The following PLLP variants were observed in gnomAD, a reference collection of about 807,000 sequenced individuals.
PLLP encodes plasmolipin.
Under a neutral mutation model 19.7 loss-of-function variants are expected in PLLP, and 15 were observed. The observed-to-expected ratio is 0.76, with a 90% CI of 0.51 to 1.17. The LOEUF is 1.17. Among genes scored for constraint, PLLP ranks in the 50% most tolerant of loss-of-function variants. The pLI, the probability that PLLP is intolerant of heterozygous loss-of-function variation, is 0.00. For missense variants in PLLP, 255 were observed against 258.3 expected, an observed-to-expected ratio of 0.99 and a Z score of 0.09; for synonymous variants, 111 against 116.3, an observed-to-expected ratio of 0.95 and a Z score of 0.29.
In PLLP at chr16:57,273,652, A is replaced by G. The variant is rs79504437; in HGVS notation, c.135+10754T>C. The stretch of plus-strand genomic sequence containing the variant: ...ATGGAGACCTGGGCAAACAACAGCC[A>G]TGGGGATCTGTCAGATAATCTCTGA... On this transcript the variant is annotated intron_variant, in intron 1 of 3. Transcript: ENST00000219207. Among the ~76,000 whole-genome samples the G allele has an allele frequency of 3.6e-4, 55 of 152,334 alleles. No individual in the cohort carries two copies. The East Asian group carries it at 7.1e-3, about 20-fold the overall frequency.
intron 1 of PLLP, among the ~76,000 whole-genome samples, chr16:57,281,455 C>T (rs61135090): frequency 0.42 from 63,963 of 151,374 alleles, 14,632 homozygotes; most frequent in South Asian, 0.66. Flanking sequence ...AGTGGAACTA[C>T]CTGTTGCCAG....
intron 1 of PLLP, among the ~76,000 whole-genome samples, chr16:57,274,855 G>A (rs1045608310): frequency 3.3e-5 from 5 of 151,772 alleles, no homozygotes; most frequent in African/African-American, 9.7e-5. Context: ...TCCGCCTCCC[G>A]GGTTCACACC....
intron 1 of PLLP, among the ~76,000 whole-genome samples, chr16:57,282,120 G>A (rs1567533868): frequency 6.6e-6 from 1 of 151,652 alleles, no homozygotes; most frequent in Non-Finnish European, 1.5e-5. Flanking sequence ...CTGCCCTAGA[G>A]GAAGCTACCA....
intron 1 of PLLP, among the ~76,000 whole-genome samples, chr16:57,264,379 T>C (rs1018693375): frequency 1.2e-4 from 19 of 152,208 alleles, no homozygotes; most frequent in African/African-American, 4.1e-4. Context: ...GTACCTTCCC[T>C]GCTCTCCGAG....
intron 3 of PLLP, among the ~76,000 whole-genome samples, 163 bp from the exon 4 acceptor site, chr16:57,257,192 T>A (rs1287508785): frequency 6.6e-6 from 1 of 152,108 alleles, no homozygotes; most frequent in Non-Finnish European, 1.5e-5. Context: ...AGCACCAGGG[T>A]CCTGGGATAC....
At chr16:57,260,097 T>C (rs1231926032) in intron 2 of PLLP, among the ~76,000 whole-genome samples, 1 of 152,106 alleles carries the variant, frequency 6.6e-6, no homozygotes, top group Non-Finnish European at 1.5e-5. Flanking sequence ...GATGCTGGCT[T>C]CTCCAGGGTC....
chr16:57,257,066 G>T, intron 3 of PLLP, 37 bp from the exon 4 acceptor site: 2 of 1,448,476 alleles, frequency 1.4e-6, no homozygotes, highest in South Asian at 1.1e-5. Flanking sequence ...GGACCGAGAG[G>T]GTGACAGTGA....
Position 57,257,021 on chromosome 16 carries a change from C to A in PLLP, c.441G>T (p.Ala147=). The change falls in exon 4 of 4, where the codon GCG becomes GCT. Residue 147 remains alanine, a synonymous_variant. Transcript: ENST00000219207. ...CTCCATAGGCGATCATCACCAAACA[C>A]GCAAAGAACTGAAAGAGAGGTGAGA... ...YNQRAAASFF[A]CLVMIAYGVS... The A allele has an allele frequency of 6.2e-7, 1 of 1,611,860 alleles. No homozygotes were observed. The highest frequency in any genetic ancestry group is 1.1e-5 in the South Asian group (1 of 91,036).
In PLLP at chr16:57,261,951, G is replaced by A. The variant is rs777488666; in HGVS notation, c.255C>T (p.Asn85=). 1.9e-6 allele frequency: 3 copies of A among 1,614,006 alleles called. No homozygotes were observed. Among genetic ancestry groups the A allele is most frequent in the African/African-American group, 1.3e-5 (1 of 74,912 alleles). Residue 85 remains asparagine (N), a synonymous_variant, in exon 2 of 4, where the codon AAC becomes AAT. Coordinates refer to ENST00000219207, the MANE Select transcript of PLLP (RefSeq NM_015993.3). ...TCATGTGCAGCTGAAACAGGTAGAGGTTGAAGAGGACGATTGTCACCAGCC... is the reference window on the plus strand; with the variant it reads ...TCATGTGCAGCTGAAACAGGTAGAGATTGAAGAGGACGATTGTCACCAGCC... ...FLWLVTIVLF[N]LYLFQLHMKL...
At position 57,284,558 on chromosome 16, in the gene PLLP, C is replaced by A; in HGVS notation, c.-18G>T. The A allele has an allele frequency of 7.5e-7, 1 of 1,335,974 alleles. No homozygotes were observed. The highest frequency in any genetic ancestry group is 9.6e-7 in the Non-Finnish European group (1 of 1,036,362). 82.8% of individuals were successfully genotyped at this position (1,335,974 alleles called of 1,614,324 possible). On this transcript the variant is annotated 5_prime_UTR_variant, in exon 1 of 4. Transcript: ENST00000219207. Reference sequence around the variant, plus strand: ...TCGGCCATGGCGGCTCCGCTTGCCTCCCGAGGTCGCTACGGCCGCCGTCGC... The same window carrying A: ...TCGGCCATGGCGGCTCCGCTTGCCTACCGAGGTCGCTACGGCCGCCGTCGC...
chr16:57,273,367 T>C (rs1901104115), intron 1 of PLLP, among the ~76,000 whole-genome samples: 1 of 152,078 alleles, frequency 6.6e-6, no homozygotes, highest in Non-Finnish European at 1.5e-5. Flanking sequence ...AAATAAAAGC[T>C]AGAACATCCC....
chr16:57,275,778 T>C (rs1901146415), intron 1 of PLLP, among the ~76,000 whole-genome samples: 1 of 151,982 alleles, frequency 6.6e-6, no homozygotes, highest in South Asian at 2.1e-4. Flanking sequence ...CTCAGTAGAA[T>C]GAGCAAAGAA....
intron 1 of PLLP, among the ~76,000 whole-genome samples, chr16:57,265,716 A>C (rs1011801202): frequency 2.0e-5 from 3 of 152,194 alleles, no homozygotes; most frequent in African/African-American, 7.2e-5. Flanking sequence ...AATGTGCCTG[A>C]GGTCACTGTG....
intron 1 of PLLP, among the ~76,000 whole-genome samples, chr16:57,265,241 G>A (rs1342366675): frequency 6.6e-6 from 1 of 152,230 alleles, no homozygotes; most frequent in Non-Finnish European, 1.5e-5. Context: ...TGGACCCAGG[G>A]CAGGATGTCT....
chr16:57,275,128 CAT>C (rs1491229901), intron 1 of PLLP, among the ~76,000 whole-genome samples: 4,698 of 52,164 alleles, frequency 0.09, 198 homozygotes, highest in South Asian at 0.44. Flanking sequence ...CACACACACA[CAT>C]GCATTTCAGA....
intron 1 of PLLP, among the ~76,000 whole-genome samples, chr16:57,274,599 C>T (rs1192972679): frequency 4.0e-5 from 6 of 151,580 alleles, no homozygotes; most frequent in East Asian, 3.9e-4. Flanking sequence ...ACTACATGTA[C>T]GCACCACCAT....
At position 57,270,173 on chromosome 16, in the gene PLLP, AAC is replaced by A. The variant is rs537307031; in HGVS notation, c.136-8105_136-8104del. 5.3e-3 allele frequency among the ~76,000 whole-genome samples: 795 copies of A among 150,568 alleles called. 5 individuals are homozygous for A. Among genetic ancestry groups the A allele is most frequent in the South Asian group, 0.021 (100 of 4,718 alleles). ...AATCCTTCCATGGCCCCCGAGTCCA[AAC>A]ACAGTCCCCGAGTCTATCCACAACC... is the stretch of plus-strand genomic sequence containing the variant. On this transcript the variant is annotated intron_variant, in intron 1 of 3. Coordinates refer to ENST00000219207, the MANE Select transcript of PLLP (RefSeq NM_015993.3).
chr16:57,284,643 T>C lies in PLLP; in HGVS notation c.-103A>G, dbSNP rs1314444530. 3.4e-5 allele frequency: 39 copies of C among 1,138,428 alleles called. No individual in the cohort carries two copies. Among genetic ancestry groups the C allele is most frequent in the Non-Finnish European group, 3.9e-5 (35 of 893,406 alleles). The allele number at this position is 1,138,428 out of a possible 1,614,324, so 70.5% of individuals were successfully genotyped here. On this transcript the variant is annotated 5_prime_UTR_variant, in exon 1 of 4. Transcript: ENST00000219207. ...GCTTTTCCCCCAGGCTCCGGATCCC[T>C]GTGTGGCTCCAGGCGCTGCAGGAGG... is the stretch of plus-strand genomic sequence containing the variant.
chr16:57,270,431 T>C (rs1273449188), intron 1 of PLLP, among the ~76,000 whole-genome samples: 1 of 149,042 alleles, frequency 6.7e-6, no homozygotes, highest in Non-Finnish European at 1.5e-5. Context: ...CTCCGGCCTC[T>C]CTATTCCCAC....
Sources: allele counts gnomAD v4.1 joint callset (sites outside exome capture counted in the v4.1 genomes callset), GRCh38; gene constraint gnomAD v4.1.1; transcripts MANE v1.5; gene names NCBI Gene and HGNC (gene_info 2026-07-23, HGNC 2026-07-21).